ALMS1: variants seen among roughly 807,000 people sequenced by gnomAD.
ALMS1 encodes centrosome-associated protein ALMS1.
Under a neutral mutation model 352.2 loss-of-function variants are expected in ALMS1, and 271 were observed. The ratio of observed to expected loss-of-function variants is 0.77; its 90% confidence interval spans 0.70 to 0.85. The LOEUF (loss-of-function observed/expected upper bound fraction) is 0.85. ALMS1 is among the 40% of genes least tolerant of loss of function. The pLI, the probability that ALMS1 is intolerant of heterozygous loss-of-function variation, is 0.00. For synonymous variants in ALMS1, 1,865 were observed against 1,761.2 expected (o/e 1.06, Z -1.48); for missense variants, 5,445 against 4,870.7 (o/e 1.12, Z -3.51).
chr2:73,569,709 G>A (rs958493231), intron 15 of ALMS1, among the ~76,000 whole-genome samples: 4 of 152,126 alleles, frequency 2.6e-5, no homozygotes, highest in Admixed American at 6.5e-5. Flanking sequence ...CTGAATATTT[G>A]CACTCTCCCT....
intron 10 of ALMS1, among the ~76,000 whole-genome samples, chr2:73,509,635 G>A (rs1348386926): frequency 6.6e-6 from 1 of 152,200 alleles, no homozygotes; most frequent in African/African-American, 2.4e-5. Flanking sequence ...TCTGCTGTTA[G>A]TCTGATGGGC....
chr2:73,556,983 T>C (rs200012363), intron 13 of ALMS1, among the ~76,000 whole-genome samples: 2 of 152,318 alleles, frequency 1.3e-5, no homozygotes, highest in East Asian at 3.9e-4. Flanking sequence ...ATTACAGGTG[T>C]GAGCCACCCC....
At chr2:73,532,463 C>T (rs1254662221) in intron 11 of ALMS1, among the ~76,000 whole-genome samples, 1 of 152,170 alleles carries the variant, frequency 6.6e-6, no homozygotes, top group East Asian at 1.9e-4. Flanking sequence ...AGTTCTTATT[C>T]TTTCCTCTTT....
intron 9 of ALMS1, among the ~76,000 whole-genome samples, chr2:73,486,438 G>C (rs1672848499): frequency 6.6e-6 from 1 of 152,124 alleles, no homozygotes; most frequent in Non-Finnish European, 1.5e-5. Flanking sequence ...GTGATGGTTG[G>C]CTGGAGTAGA....
chr2:73,543,407 A>G (rs1674237548), intron 12 of ALMS1, among the ~76,000 whole-genome samples: 2 of 152,226 alleles, frequency 1.3e-5, no homozygotes, highest in Admixed American at 1.3e-4. Flanking sequence ...TAAAACCATA[A>G]AAACCCTAGA....
intron 6 of ALMS1, among the ~76,000 whole-genome samples, chr2:73,427,507 A>G (rs949638050): frequency 6.6e-6 from 1 of 151,486 alleles, no homozygotes; most frequent in Non-Finnish European, 1.5e-5. Context: ...TTTTTTTTTA[A>G]ATTAAGTTCT....
intron 12 of ALMS1, among the ~76,000 whole-genome samples, chr2:73,541,710 C>T (rs576491085): frequency 2.6e-5 from 4 of 152,294 alleles, no homozygotes; most frequent in South Asian, 2.1e-4. Flanking sequence ...CACAGAAATA[C>T]AAACTACCAT....
chr2:73,460,194 T>A (rs1422993832), intron 9 of ALMS1, among the ~76,000 whole-genome samples: 1 of 152,190 alleles, frequency 6.6e-6, no homozygotes, highest in African/African-American at 2.4e-5. Flanking sequence ...TTGAATTTCT[T>A]TCCCAGCCCC....
intron 9 of ALMS1, chr2:73,458,810 G>A (rs995961377): frequency 6.6e-6 from 1 of 152,346 alleles, no homozygotes; most frequent in African/African-American, 2.4e-5. Flanking sequence ...AGTGGTTCTT[G>A]ACGGGTAGTA....
At position 73,449,093 on chromosome 2, in the gene ALMS1, A is replaced by G. The variant is rs1286928722; in HGVS notation, c.2566A>G (p.Thr856Ala). 2 of 1,613,950 alleles carry G rather than the reference A, an allele frequency of 1.2e-6. No individual in the cohort carries two copies. The highest frequency in any genetic ancestry group is 2.7e-5 in the African/African-American group (2 of 74,906). Residue 856 changes from threonine to alanine, a missense_variant, in exon 8 of 23, where the codon ACT (threonine) becomes GCT (alanine). Thr to Ala is a moderately conservative substitution (Grantham distance 58, BLOSUM62 0). Transcript: ENST00000613296. ...GKTGTPAVTS[T>A]SSASSSLGEK... Reference sequence around the variant, plus strand: ...GACTGGGACACCAGCTGTAACCTCTACTTCCTCTGCGTCCTCTTCACTTGG... The same window carrying G: ...GACTGGGACACCAGCTGTAACCTCTGCTTCCTCTGCGTCCTCTTCACTTGG...
chr2:73,468,493 CTT>C (rs1029823150), intron 9 of ALMS1, among the ~76,000 whole-genome samples: 5 of 152,134 alleles, frequency 3.3e-5, no homozygotes, highest in East Asian at 1.9e-4. Context: ...CTCCAAGACT[CTT>C]TTCATCTTGT....
At chr2:73,475,656 A>G (rs1363362635) in intron 9 of ALMS1, among the ~76,000 whole-genome samples, 1 of 151,980 alleles carries the variant, frequency 6.6e-6, no homozygotes, top group Non-Finnish European at 1.5e-5. Context: ...ATTTTCTCCC[A>G]TTCTGTAGAC....
At chr2:73,473,920 AAGAGAGAG>A (rs35028203) in intron 9 of ALMS1, among the ~76,000 whole-genome samples, 15 of 148,648 alleles carry the variant, frequency 1.0e-4, no homozygotes, top group East Asian at 8.0e-4. Context: ...TCTTAGAGGG[AAGAGAGAG>A]AGAGAGAGAG....
chr2:73,405,267 T>C (rs943639922), intron 1 of ALMS1, among the ~76,000 whole-genome samples: 9 of 152,108 alleles, frequency 5.9e-5, no homozygotes, highest in Non-Finnish European at 1.2e-4. Context: ...TTCCTTGTTG[T>C]TGGTCTGTTG....
At chr2:73,582,875 CT>C (rs1293422860) in intron 16 of ALMS1, among the ~76,000 whole-genome samples, 2 of 152,240 alleles carry the variant, frequency 1.3e-5, no homozygotes, top group Non-Finnish European at 2.9e-5. Context: ...GCTTTCAATT[CT>C]TTGGGATACA....
Position 73,449,253 on chromosome 2 carries a change from C to CA in ALMS1, c.2727dup (p.His910ThrfsTer20). On this transcript the variant is annotated frameshift_variant, in exon 8 of 23. Coordinates refer to ENST00000613296, the MANE Select transcript of ALMS1 (RefSeq NM_001378454.1). LOFTEE classifies it high-confidence loss of function. ...CCCTCAGCACCATCTAGTTTCTACT[C>CA]ACACAGAGAGAAGCCCATTATTTTT... 1 of 1,614,108 alleles carries CA rather than the reference C, an allele frequency of 6.2e-7. No individual in the cohort carries two copies.
At chr2:73,570,525 G>A (rs1187403508) in intron 15 of ALMS1, among the ~76,000 whole-genome samples, 1 of 152,108 alleles carries the variant, frequency 6.6e-6, no homozygotes, top group Non-Finnish European at 1.5e-5. Flanking sequence ...GAGGAAAATA[G>A]GTTCCTCTTT....
At chr2:73,541,223 C>T (rs1674171748) in intron 12 of ALMS1, among the ~76,000 whole-genome samples, 1 of 152,238 alleles carries the variant, frequency 6.6e-6, no homozygotes, top group African/African-American at 2.4e-5. Context: ...GAAACTCACT[C>T]AGAACCGCTC....
chr2:73,455,021 AG>A, intron 8 of ALMS1, 140 bp from the exon 9 acceptor site: 1 of 939,204 alleles, frequency 1.1e-6, no homozygotes. Context: ...AATTTCTAAT[AG>A]GTTGTCATAA....
Sources: allele counts gnomAD v4.1 joint callset (sites outside exome capture counted in the v4.1 genomes callset), GRCh38; gene constraint gnomAD v4.1.1; transcripts MANE v1.5; gene names NCBI Gene and HGNC (gene_info 2026-07-23, HGNC 2026-07-21).